Variants in KCNJ16 observed in about 807,000 individuals in gnomAD.
KCNJ16 encodes potassium inwardly rectifying channel subfamily J member 16.
KCNJ16 carries 15 observed loss-of-function variants against 18.5 expected under a neutral mutation model. That is an observed-to-expected ratio of 0.81 (90% CI 0.54 to 1.25). The LOEUF (loss-of-function observed/expected upper bound fraction) is 1.25, where lower values mean the gene tolerates loss of function less well. KCNJ16 is among the 50% of genes most tolerant of loss of function. KCNJ16 has a pLI of 0.00. For synonymous variants in KCNJ16, 174 were observed against 186.5 expected, an observed-to-expected ratio of 0.93 and a Z score of 0.55; for missense variants, 523 against 525.7, an observed-to-expected ratio of 0.99 and a Z score of 0.05.
chr17:70,098,207 A>G (rs1378924265), intron 1 of KCNJ16, among the ~76,000 whole-genome samples: 1 of 152,184 alleles, frequency 6.6e-6, no homozygotes, highest in Non-Finnish European at 1.5e-5. Flanking sequence ...TTGGTTCAGT[A>G]TGAATAGAGT....
At chr17:70,130,756 A>C (rs1180153960) in intron 2 of KCNJ16, 123 bp from the exon 3 acceptor site, 4 of 580,122 alleles carry the variant, frequency 6.9e-6, no homozygotes, top group African/African-American at 5.6e-5. Context: ...GATTCCCTAA[A>C]GTCCCCCGTT....
At position 70,133,933 on chromosome 17, in the gene KCNJ16, A is replaced by G. The variant is rs1286768495; in HGVS notation, c.*589A>G. The G allele has an allele frequency of 6.0e-6, 1 of 167,348 alleles. No homozygotes were observed. Among genetic ancestry groups the G allele is most frequent in the Non-Finnish European group, 1.5e-5 (1 of 68,306 alleles). The allele number at this position is 167,348 out of a possible 1,614,324, so 10.4% of individuals were successfully genotyped here. A position where few individuals can be genotyped will look rare whatever the true frequency, so the allele number is the denominator to read the frequency against. ...CTGTAAGAAATTGTCCATGCCACCA[A>G]TTCCACTGCTACTTGCCCAGGTAGT... On this transcript the variant is annotated 3_prime_UTR_variant, in exon 4 of 4. Coordinates refer to ENST00000392671, the MANE Select transcript of KCNJ16 (RefSeq NM_170741.4).
chr17:70,097,569 G>A (rs1018771298), intron 1 of KCNJ16, among the ~76,000 whole-genome samples: 1 of 152,020 alleles, frequency 6.6e-6, no homozygotes, highest in Non-Finnish European at 1.5e-5. Flanking sequence ...CTAAGAACAG[G>A]CCCTCATCGC....
intron 2 of KCNJ16, among the ~76,000 whole-genome samples, chr17:70,102,400 G>GT (rs1334203160): frequency 6.6e-6 from 1 of 151,294 alleles, no homozygotes; most frequent in Non-Finnish European, 1.5e-5. Flanking sequence ...GCTAATTTTT[G>GT]TATCTTTAGT....
intron 2 of KCNJ16, among the ~76,000 whole-genome samples, chr17:70,112,292 CT>C (rs1490107552): frequency 6.6e-6 from 1 of 151,916 alleles, no homozygotes; most frequent in East Asian, 1.9e-4. Flanking sequence ...GTAAATGTTT[CT>C]GGATAAGGGA....
chr17:70,124,433 A>AAT (rs879649951), intron 2 of KCNJ16, among the ~76,000 whole-genome samples: 6 of 152,212 alleles, frequency 3.9e-5, no homozygotes, highest in Non-Finnish European at 8.8e-5. Flanking sequence ...TTAAAAAAAA[A>AAT]CTGAATGAAA....
Position 70,086,217 on chromosome 17 carries a change from G to A in KCNJ16, c.-300+10827G>A, listed in dbSNP as rs183324427. 8.8e-3 allele frequency among the ~76,000 whole-genome samples: 1,346 copies of A among 152,296 alleles called. 8 individuals carry two copies. The highest frequency in any genetic ancestry group is 0.015 in the Non-Finnish European group (1,000 of 68,006). Reference sequence around the variant, plus strand: ...ATGAGAATTTTTGTGAGAAAGTGAAGCAATCTTAACTTTTATTTTTTATTA... The same window carrying A: ...ATGAGAATTTTTGTGAGAAAGTGAAACAATCTTAACTTTTATTTTTTATTA... On this transcript the variant is annotated intron_variant, in intron 1 of 3. Coordinates refer to ENST00000392671, the MANE Select transcript of KCNJ16 (RefSeq NM_170741.4).
chr17:70,116,410 A>T lies in KCNJ16; in HGVS notation c.-190-14469A>T, dbSNP rs200576560. Among the ~76,000 whole-genome samples, 6 of 152,240 alleles carry T rather than the reference A, an allele frequency of 3.9e-5. No homozygotes were observed. The East Asian group carries it at 1.2e-3, about 29-fold the overall frequency. ...CCAATGTAGTCGTGTCTTTGTATTC[A>T]TCCGTAATAATTTCTTTAGAAAAAA... On this transcript the variant is annotated intron_variant, in intron 2 of 3. Transcript: ENST00000392671.
At chr17:70,076,176 T>C (rs2143479580) in intron 1 of KCNJ16, among the ~76,000 whole-genome samples, 1 of 152,302 alleles carries the variant, frequency 6.6e-6, no homozygotes, top group East Asian at 1.9e-4. Flanking sequence ...TTACATGGAC[T>C]GAATGGTCTT....
intron 1 of KCNJ16, among the ~76,000 whole-genome samples, chr17:70,100,001 T>G (rs1256079951): frequency 6.6e-6 from 1 of 152,052 alleles, no homozygotes; most frequent in East Asian, 1.9e-4. Context: ...TCATAAGTAG[T>G]GTGAGAGATC....
At position 70,133,469 on chromosome 17, in the gene KCNJ16, G is replaced by A. The variant is rs1301290581; in HGVS notation, c.*125G>A. 5 of 742,866 alleles carry A rather than the reference G, an allele frequency of 6.7e-6. No homozygotes were observed. In the African/African-American group the frequency reaches 7.2e-5, roughly 11 times the overall value. The allele number at this position is 742,866 out of a possible 1,614,324, so 46.0% of individuals were successfully genotyped here. ...TTTATGATGATGCTGGGTAAGTAGA[G>A]TAAGTTAAACTTGGTAAAAGATAAT... On this transcript the variant is annotated 3_prime_UTR_variant, in exon 4 of 4. Coordinates refer to ENST00000392671, the MANE Select transcript of KCNJ16 (RefSeq NM_170741.4).
intron 2 of KCNJ16, among the ~76,000 whole-genome samples, chr17:70,105,952 CT>C (rs1247368182): frequency 6.6e-6 from 1 of 152,216 alleles, no homozygotes; most frequent in Non-Finnish European, 1.5e-5. Flanking sequence ...AATCCCTCCC[CT>C]GCCTTTTAAA....
chr17:70,125,295 A>G (rs1459043626), intron 2 of KCNJ16, among the ~76,000 whole-genome samples: 2 of 151,816 alleles, frequency 1.3e-5, no homozygotes, highest in East Asian at 3.9e-4. Flanking sequence ...AAGGAGAGGA[A>G]AGAAATAAAA....
At chr17:70,112,829 A>G (rs1321276676) in intron 2 of KCNJ16, among the ~76,000 whole-genome samples, 1 of 152,202 alleles carries the variant, frequency 6.6e-6, no homozygotes, top group Non-Finnish European at 1.5e-5. Context: ...ATCTTTCTCC[A>G]TGTAGCCATA....
At chr17:70,121,756 C>T (rs1320025142) in intron 2 of KCNJ16, among the ~76,000 whole-genome samples, 1 of 151,874 alleles carries the variant, frequency 6.6e-6, no homozygotes, top group African/African-American at 2.4e-5. Flanking sequence ...ATAGTGAAAC[C>T]CCTAGTGAAC....
In KCNJ16 at chr17:70,134,427, AC is replaced by A. The variant is rs1202908953; in HGVS notation, c.*1084del. On this transcript the variant is annotated 3_prime_UTR_variant, in exon 4 of 4. Transcript: ENST00000392671. Reference sequence around the variant, plus strand: ...GGATTGCAAGAAACTCTTTTATTAAACTTGGAACAACCATTTAAATGAAGGA... The same window carrying A: ...GGATTGCAAGAAACTCTTTTATTAAATTGGAACAACCATTTAAATGAAGGA... 1 of 167,060 alleles carries A rather than the reference AC, an allele frequency of 6.0e-6. No homozygotes were observed. Among genetic ancestry groups the A allele is most frequent in the Non-Finnish European group, 1.5e-5 (1 of 68,116 alleles). The allele number at this position is 167,060 out of a possible 1,614,324, so 10.3% of individuals were successfully genotyped here.
At chr17:70,110,317 G>C (rs982919238) in intron 2 of KCNJ16, among the ~76,000 whole-genome samples, 26 of 152,086 alleles carry the variant, frequency 1.7e-4, no homozygotes, top group Non-Finnish European at 3.4e-4. Flanking sequence ...ATCACAGCTT[G>C]ATAGTGTCCT....
At chr17:70,110,112 C>T (rs576637763) in intron 2 of KCNJ16, among the ~76,000 whole-genome samples, 3 of 152,256 alleles carry the variant, frequency 2.0e-5, no homozygotes, top group South Asian at 4.1e-4. Context: ...CAGTCTCAGG[C>T]ATTCTTTTAT....
intron 2 of KCNJ16, among the ~76,000 whole-genome samples, chr17:70,106,508 C>G (rs927177033): frequency 6.6e-6 from 1 of 152,160 alleles, no homozygotes; most frequent in Non-Finnish European, 1.5e-5. Context: ...TAGCTAAGCT[C>G]TCAGTAATAT....
Sources: allele counts gnomAD v4.1 joint callset (sites outside exome capture counted in the v4.1 genomes callset), GRCh38; gene constraint gnomAD v4.1.1; transcripts MANE v1.5; gene names NCBI Gene and HGNC (gene_info 2026-07-23, HGNC 2026-07-21).